The following CCDC85A variants were observed in gnomAD, a reference collection of about 807,000 sequenced individuals.
The protein encoded by CCDC85A is coiled-coil domain-containing protein 85A.
A neutral mutation model predicts 50.2 loss-of-function variants in CCDC85A; 38 were observed. The observed-to-expected ratio is 0.76, with a 90% CI of 0.58 to 0.99. The LOEUF is 0.99. Among genes scored for constraint, CCDC85A ranks in the 50% least tolerant of loss-of-function variants. The probability of loss-of-function intolerance (pLI) is 0.00; values close to 1 mark genes in which losing one functional copy is unlikely to be tolerated. For synonymous variants in CCDC85A, 366 were observed against 301.4 expected, an observed-to-expected ratio of 1.21 and a Z score of -2.22; for missense variants, 820 against 742.0, an observed-to-expected ratio of 1.11 and a Z score of -1.22.
At chr2:56,233,799 G>A (rs1455003582) in intron 2 of CCDC85A, among the ~76,000 whole-genome samples, 1 of 152,108 alleles carries the variant, frequency 6.6e-6, no homozygotes, top group Non-Finnish European at 1.5e-5. Context: ...AAAGCTCCTT[G>A]AGGAAAGGGC....
chr2:56,288,214 A>G (rs1671535899), intron 2 of CCDC85A, among the ~76,000 whole-genome samples: 2 of 151,776 alleles, frequency 1.3e-5, no homozygotes, highest in African/African-American at 4.8e-5. Flanking sequence ...CAGTCCCAGC[A>G]TTTTTATTTG....
intron 2 of CCDC85A, among the ~76,000 whole-genome samples, chr2:56,338,774 AT>A (rs575344736): frequency 1.7e-4 from 25 of 148,732 alleles, no homozygotes; most frequent in South Asian, 8.5e-4. Flanking sequence ...GGGAGATTGG[AT>A]TTTTTTTTTA....
chr2:56,368,289 G>A (rs1675905511), intron 3 of CCDC85A, among the ~76,000 whole-genome samples: 1 of 152,108 alleles, frequency 6.6e-6, no homozygotes, highest in Non-Finnish European at 1.5e-5. Flanking sequence ...TAAGGCAAGA[G>A]GGTCTTAGCA....
chr2:56,337,855 G>A lies in CCDC85A; in HGVS notation c.1241-5024G>A, dbSNP rs904299626. 4.7e-5 allele frequency among the ~76,000 whole-genome samples: 7 copies of A among 149,824 alleles called. No individual in the cohort carries two copies. In the Admixed American group the frequency reaches 4.7e-4, roughly 10 times the overall value. ...GCTGGAGTGCAGTGGCACGATCTCC[G>A]CTCACTGCAACCTCCGCCTCCCGGG... On this transcript the variant is annotated intron_variant, in intron 2 of 5. Transcript: ENST00000407595.
At chr2:56,375,695 G>A in intron 4 of CCDC85A, 121 bp from the exon 5 acceptor site, 1 of 989,806 alleles carries the variant, frequency 1.0e-6, no homozygotes, top group East Asian at 2.6e-5. Context: ...TGTAGACTAG[G>A]TTAGGAAAAA....
intron 3 of CCDC85A, among the ~76,000 whole-genome samples, chr2:56,361,299 A>G (rs1675515033): frequency 6.6e-6 from 1 of 151,942 alleles, no homozygotes; most frequent in South Asian, 2.1e-4. Context: ...TAGGTCATGG[A>G]AGGCTGATGG....
At chr2:56,380,087 C>T (rs1426639853) in intron 5 of CCDC85A, among the ~76,000 whole-genome samples, 1 of 152,090 alleles carries the variant, frequency 6.6e-6, no homozygotes, top group Non-Finnish European at 1.5e-5. Flanking sequence ...GAAGACTCTA[C>T]AAACATTTGC....
At chr2:56,377,701 A>G (rs1676400468) in intron 5 of CCDC85A, among the ~76,000 whole-genome samples, 1 of 152,262 alleles carries the variant, frequency 6.6e-6, no homozygotes, top group South Asian at 2.1e-4. Context: ...AGCCTGGCCA[A>G]CATAGTGAAA....
chr2:56,184,271 G>A lies in CCDC85A; in HGVS notation c.-354G>A, dbSNP rs1675891957. On this transcript the variant is annotated 5_prime_UTR_variant, in exon 1 of 6. Coordinates refer to ENST00000407595, the MANE Select transcript of CCDC85A (RefSeq NM_001080433.2). ...GCGACAGTCTCGGCTTAGGGCGGAG[G>A]AGAGGGCAGGGGAACGGCGGTGCAG... The A allele has an allele frequency of 2.3e-6, 2 of 869,222 alleles. No homozygotes were observed. The highest frequency in any genetic ancestry group is 2.8e-6 in the Non-Finnish European group (2 of 707,350). The allele number at this position is 869,222 out of a possible 1,614,324, so 53.8% of individuals were successfully genotyped here. A position where few individuals can be genotyped will look rare whatever the true frequency, so the allele number is the denominator to read the frequency against.
At chr2:56,362,400 G>GA (rs1193003736) in intron 3 of CCDC85A, among the ~76,000 whole-genome samples, 1 of 151,852 alleles carries the variant, frequency 6.6e-6, no homozygotes, top group Non-Finnish European at 1.5e-5. Flanking sequence ...CAGAGCTGGA[G>GA]ACAAAAAATT....
intron 3 of CCDC85A, among the ~76,000 whole-genome samples, chr2:56,350,871 C>CT (rs1674893078): frequency 6.9e-6 from 1 of 144,878 alleles, no homozygotes; most frequent in African/African-American, 2.6e-5. Context: ...TATTATTATA[C>CT]TTTAAGTTTT....
At chr2:56,260,134 A>T (rs973269539) in intron 2 of CCDC85A, among the ~76,000 whole-genome samples, 12 of 152,208 alleles carry the variant, frequency 7.9e-5, no homozygotes, top group African/African-American at 2.9e-4. Context: ...GACTGATGGG[A>T]ACCAGAAAAA....
chr2:56,203,621 G>C (rs571327567), intron 2 of CCDC85A, among the ~76,000 whole-genome samples: 1 of 152,058 alleles, frequency 6.6e-6, no homozygotes. Context: ...AGCTAAGCTG[G>C]TTTGATTATT....
chr2:56,376,052 C>T (rs1380106454), intron 5 of CCDC85A, 117 bp downstream of exon 5: 1 of 1,070,374 alleles, frequency 9.3e-7, no homozygotes, highest in East Asian at 3.0e-5. Context: ...TTTTTGACTC[C>T]TTATGGTGTA....
chr2:56,343,772 A>G (rs530535349), intron 3 of CCDC85A, among the ~76,000 whole-genome samples: 2 of 152,300 alleles, frequency 1.3e-5, no homozygotes, highest in South Asian at 4.1e-4. Context: ...TTTCTGTTTC[A>G]TAAATGACTA....
intron 2 of CCDC85A, among the ~76,000 whole-genome samples, chr2:56,228,563 C>T (rs752256954): frequency 8.6e-5 from 13 of 150,846 alleles, no homozygotes; most frequent in East Asian, 1.9e-4. Flanking sequence ...GACAGAGTTT[C>T]GCTCTGTCCC....
intron 3 of CCDC85A, among the ~76,000 whole-genome samples, chr2:56,370,996 G>A (rs1324239273): frequency 6.6e-6 from 1 of 151,938 alleles, no homozygotes; most frequent in Non-Finnish European, 1.5e-5. Context: ...TGGGGTGGGA[G>A]GTGAGTATTA....
chr2:56,200,460 G>C (rs780680121), intron 2 of CCDC85A, among the ~76,000 whole-genome samples: 3 of 152,192 alleles, frequency 2.0e-5, no homozygotes, highest in African/African-American at 4.8e-5. Context: ...GGACACTTGA[G>C]GATACAGACA....
intron 2 of CCDC85A, among the ~76,000 whole-genome samples, chr2:56,239,699 T>A (rs969303): frequency 0.56 from 85,292 of 151,888 alleles, 24,423 homozygotes; most frequent in African/African-American, 0.66. Flanking sequence ...CAAAGTAAAG[T>A]TTATTTCTGG....
Sources: gnomAD v4.1 joint callset for allele counts (sites outside exome capture counted in the v4.1 genomes callset) on GRCh38, gnomAD v4.1.1 for gene constraint, MANE v1.5 for transcripts, NCBI Gene and HGNC (gene_info 2026-07-23, HGNC 2026-07-21) for gene names.